The following SLC25A48 variants were observed in gnomAD, a reference collection of about 807,000 sequenced individuals.
The protein encoded by SLC25A48 is CTC-321K16.1.
A neutral mutation model predicts 32.2 loss-of-function variants in SLC25A48; 29 were observed. The observed-to-expected ratio is 0.90, with a 90% CI of 0.67 to 1.23. SLC25A48 has a LOEUF of 1.23. SLC25A48 is among the 50% of genes most tolerant of loss of function. The probability of loss-of-function intolerance (pLI) is 0.00; values close to 1 mark genes in which losing one functional copy is unlikely to be tolerated. For missense variants in SLC25A48, 399 were observed against 422.7 expected, an observed-to-expected ratio of 0.94 and a Z score of 0.49; for synonymous variants, 164 against 172.3, an observed-to-expected ratio of 0.95 and a Z score of 0.38.
At chr5:135,718,442 A>G (rs1282869583) in intron 3 of SLC25A48, among the ~76,000 whole-genome samples, 1 of 152,158 alleles carries the variant, frequency 6.6e-6, no homozygotes, top group Non-Finnish European at 1.5e-5. Flanking sequence ...TCTCTCTTTG[A>G]GGATCACCTT....
At chr5:135,627,097 G>A (rs1242544536) in intron 1 of SLC25A48, among the ~76,000 whole-genome samples, 1 of 152,180 alleles carries the variant, frequency 6.6e-6, no homozygotes, top group East Asian at 1.9e-4. Context: ...TGGGAGAAAT[G>A]AAAGAAGAGT....
intron 4 of SLC25A48, among the ~76,000 whole-genome samples, chr5:135,823,655 C>A (rs988448317): frequency 2.6e-5 from 4 of 152,152 alleles, no homozygotes; most frequent in African/African-American, 9.7e-5. Context: ...AATCAAGAAA[C>A]CACACAGTCA....
At chr5:135,603,575 C>T (rs1291929678) in intron 1 of SLC25A48, among the ~76,000 whole-genome samples, 3 of 152,122 alleles carry the variant, frequency 2.0e-5, no homozygotes, top group Non-Finnish European at 4.4e-5. Context: ...TGGGGGGGTG[C>T]GAGCCAGCTC....
chr5:135,756,301 T>C (rs1378869194), intron 3 of SLC25A48, among the ~76,000 whole-genome samples: 1 of 122,046 alleles, frequency 8.2e-6, no homozygotes, highest in African/African-American at 2.5e-5. Flanking sequence ...CTTTGTGATA[T>C]TTATAATATC....
At chr5:135,823,851 G>A (rs1757953959) in intron 4 of SLC25A48, among the ~76,000 whole-genome samples, 1 of 152,218 alleles carries the variant, frequency 6.6e-6, no homozygotes, top group African/African-American at 2.4e-5. Context: ...CCCATGCAGA[G>A]CCCCTGTGGC....
intron 3 of SLC25A48, among the ~76,000 whole-genome samples, chr5:135,687,799 A>T (rs1411496256): frequency 6.6e-6 from 1 of 151,900 alleles, no homozygotes. Flanking sequence ...GCATGGCTTT[A>T]CTTTTGTCTG....
At chr5:135,887,408 G>A (rs904786824) in intron 7 of SLC25A48, among the ~76,000 whole-genome samples, 3 of 152,040 alleles carry the variant, frequency 2.0e-5, no homozygotes, top group Non-Finnish European at 2.9e-5. Context: ...TTGACCTCGT[G>A]GGTCCTCTTT....
At chr5:135,771,040 C>T (rs867279169) in intron 3 of SLC25A48, among the ~76,000 whole-genome samples, 5 of 151,684 alleles carry the variant, frequency 3.3e-5, no homozygotes, top group South Asian at 4.2e-4. Context: ...ATACCCCCTG[C>T]GATATTGTTC....
intron 3 of SLC25A48, among the ~76,000 whole-genome samples, chr5:135,764,985 T>G (rs1756169665): frequency 6.6e-6 from 1 of 151,718 alleles, no homozygotes; most frequent in South Asian, 2.1e-4. Flanking sequence ...ATATGGTTCA[T>G]AATATCCAGA....
chr5:135,819,667 T>C (rs909126652), intron 4 of SLC25A48, among the ~76,000 whole-genome samples: 3 of 152,212 alleles, frequency 2.0e-5, no homozygotes, highest in Non-Finnish European at 2.9e-5. Context: ...ATCCTGACCA[T>C]GGTGATAGTT....
chr5:135,625,187 C>T (rs562238091), intron 1 of SLC25A48, among the ~76,000 whole-genome samples: 4 of 152,104 alleles, frequency 2.6e-5, no homozygotes, highest in African/African-American at 4.8e-5. Flanking sequence ...GAAGAAGTGA[C>T]GGTTAACCTG....
intron 3 of SLC25A48, among the ~76,000 whole-genome samples, chr5:135,656,442 T>C (rs1180134732): frequency 1.3e-5 from 2 of 152,042 alleles, no homozygotes; most frequent in Admixed American, 1.3e-4. Flanking sequence ...GCTTTGGAGG[T>C]CTGCTAACTT....
At chr5:135,866,344 A>G (rs1329307606) in intron 4 of SLC25A48, among the ~76,000 whole-genome samples, 1 of 152,222 alleles carries the variant, frequency 6.6e-6, no homozygotes, top group African/African-American at 2.4e-5. Context: ...TTCCAAGGTC[A>G]TGGCCCATTG....
chr5:135,787,059 G>A (rs1442077337), intron 3 of SLC25A48, among the ~76,000 whole-genome samples: 1 of 152,172 alleles, frequency 6.6e-6, no homozygotes, highest in Non-Finnish European at 1.5e-5. Flanking sequence ...TGTAACCCAT[G>A]TGTGTTCACC....
intron 3 of SLC25A48, among the ~76,000 whole-genome samples, chr5:135,715,366 C>T (rs1007766547): frequency 5.3e-5 from 8 of 152,190 alleles, no homozygotes; most frequent in Non-Finnish European, 1.2e-4. Flanking sequence ...GGGTTTGACC[C>T]AGTGGCCCCA....
chr5:135,754,057 G>A (rs147440479), intron 3 of SLC25A48, among the ~76,000 whole-genome samples: 381 of 151,122 alleles, frequency 2.5e-3, no homozygotes, highest in Non-Finnish European at 4.5e-3. Context: ...ATTATTAATC[G>A]GGATATCACA....
At chr5:135,779,424 C>T (rs978695616) in intron 3 of SLC25A48, among the ~76,000 whole-genome samples, 1 of 151,650 alleles carries the variant, frequency 6.6e-6, no homozygotes, top group Non-Finnish European at 1.5e-5. Flanking sequence ...TGACATTACT[C>T]CCAATATCAC....
At chr5:135,839,605 G>C (rs1758824277) in intron 1 of SLC25A48, among the ~76,000 whole-genome samples, 1 of 152,174 alleles carries the variant, frequency 6.6e-6, no homozygotes, top group South Asian at 2.1e-4. Flanking sequence ...GCGCCGTTGG[G>C]AAGGCATGAT....
chr5:135,719,412 G>A lies in SLC25A48; in HGVS notation c.-521+84456G>A, dbSNP rs185554007. ...GCTGGGGATGCTGAGCAGGCATGCC[G>A]GAGAAGCAGAAGTTGGGGAGAAGCA... On this transcript the variant is annotated intron_variant, in intron 3 of 10. Transcript: ENST00000646290. Among the ~76,000 whole-genome samples the A allele has an allele frequency of 2.2e-4, 34 of 152,234 alleles. No homozygotes were observed. The South Asian group carries it at 4.2e-3, about 19-fold the overall frequency.
Sources: gnomAD v4.1 joint callset for allele counts (sites outside exome capture counted in the v4.1 genomes callset) on GRCh38, gnomAD v4.1.1 for gene constraint, MANE v1.5 for transcripts, NCBI Gene and HGNC (gene_info 2026-07-23, HGNC 2026-07-21) for gene names.